Variants in SLC4A4 observed in about 807,000 individuals in gnomAD.
The protein encoded by SLC4A4 is electrogenic sodium bicarbonate cotransporter 1.
Under a neutral mutation model 111.5 loss-of-function variants are expected in SLC4A4, and 27 were observed. The ratio of observed to expected loss-of-function variants is 0.24; its 90% CI spans 0.18 to 0.33. SLC4A4 has a LOEUF of 0.33. SLC4A4 is among the 10% of genes least tolerant of loss of function. The pLI, the probability that SLC4A4 is intolerant of heterozygous loss-of-function variation, is 1.00. For synonymous variants in SLC4A4, 443 were observed against 463.4 expected, an observed-to-expected ratio of 0.96 and a Z score of 0.57; for missense variants, 909 against 1,315.5, an observed-to-expected ratio of 0.69 and a Z score of 4.78.
intron 13 of SLC4A4, among the ~76,000 whole-genome samples, chr4:71,471,119 A>G (rs1450477456): frequency 6.6e-6 from 1 of 152,010 alleles, no homozygotes; most frequent in African/African-American, 2.4e-5. Context: ...CTATCATAGG[A>G]ACAGTCATGT....
intron 2 of SLC4A4, among the ~76,000 whole-genome samples, chr4:71,153,248 C>A (rs887163279): frequency 6.6e-6 from 1 of 151,274 alleles, no homozygotes; most frequent in Admixed American, 6.6e-5. Context: ...ATATTTTAAA[C>A]AAGCTGGCAG....
chr4:71,437,346 A>T (rs528783791), intron 7 of SLC4A4: 1 of 346,918 alleles, frequency 2.9e-6, no homozygotes, highest in African/African-American at 2.2e-5. Flanking sequence ...TCCAGAATAC[A>T]TAAGTTACAA....
chr4:71,265,871 A>G (rs963727009), intron 3 of SLC4A4, among the ~76,000 whole-genome samples: 17 of 152,166 alleles, frequency 1.1e-4, no homozygotes, highest in Non-Finnish European at 1.5e-4. Flanking sequence ...CTAATACCTG[A>G]TTTTTAAAAT....
At chr4:71,563,772 T>A in intron 23 of SLC4A4, 21 bp from the exon 24 acceptor site, 2 of 1,461,578 alleles carry the variant, frequency 1.4e-6, no homozygotes, top group Non-Finnish European at 1.9e-6. Context: ...TTCTAAAACC[T>A]CTTGTACATT....
At chr4:71,318,343 T>C (rs16845190) in intron 3 of SLC4A4, among the ~76,000 whole-genome samples, 3,176 of 152,156 alleles carry the variant, frequency 0.021, 108 homozygotes, top group African/African-American at 0.071. Context: ...GCTAATTTCA[T>C]AGGCAAATTA....
At chr4:71,139,179 T>TGTGTGTGTG (rs1743932632) in intron 2 of SLC4A4, among the ~76,000 whole-genome samples, 1 of 144,438 alleles carries the variant, frequency 6.9e-6, no homozygotes, top group Non-Finnish European at 1.5e-5. Flanking sequence ...TCCCTTTTCT[T>TGTGTGTGTG]TGTGTGTGTG....
rs1260922028 is a variant in SLC4A4 at position 71,113,344 on chromosome 4, T to A, written c.-2+20552T>A. 4.6e-5 allele frequency among the ~76,000 whole-genome samples: 7 copies of A among 152,192 alleles called. No individual in the cohort carries two copies. The East Asian group carries it at 1.3e-3, about 29-fold the overall frequency. The stretch of plus-strand genomic sequence containing the variant: ...TACCCTGAAAAATCCTCTGGGAAAC[T>A]GACACAAGGCCCCAGATACTTCATT... On this transcript the variant is annotated intron_variant, in intron 2 of 26. Coordinates refer to the SLC4A4 transcript ENST00000649996.
chr4:71,267,698 G>T (rs1301847833), intron 3 of SLC4A4, among the ~76,000 whole-genome samples: 1 of 144,818 alleles, frequency 6.9e-6, no homozygotes, highest in Non-Finnish European at 1.5e-5. Flanking sequence ...GGAGGCTGAG[G>T]TACGAGAATT....
At chr4:71,434,434 A>G (rs990103533) in intron 7 of SLC4A4, 4 of 199,588 alleles carry the variant, frequency 2.0e-5, no homozygotes, top group Non-Finnish European at 4.3e-5. Context: ...TAAATTTCCC[A>G]AAGTCTTTCA....
chr4:71,506,002 G>A (rs886960793), intron 16 of SLC4A4, among the ~76,000 whole-genome samples: 2 of 152,012 alleles, frequency 1.3e-5, no homozygotes, highest in African/African-American at 2.4e-5. Flanking sequence ...GATGGTTGTA[G>A]GTGTGTGGTC....
chr4:71,308,642 G>A (rs1725889076), intron 3 of SLC4A4, among the ~76,000 whole-genome samples: 1 of 152,158 alleles, frequency 6.6e-6, no homozygotes, highest in Non-Finnish European at 1.5e-5. Context: ...CCCTCCCCTA[G>A]CCAAGGAAAG....
intron 2 of SLC4A4, among the ~76,000 whole-genome samples, chr4:71,097,551 T>C (rs111539389): frequency 0.013 from 1,951 of 152,334 alleles, 38 homozygotes; most frequent in East Asian, 0.049. Context: ...TTGATGAGAT[T>C]GCTGGGTTGA....
intron 3 of SLC4A4, among the ~76,000 whole-genome samples, chr4:71,293,435 C>A (rs1174330498): frequency 6.6e-6 from 1 of 151,506 alleles, no homozygotes; most frequent in Non-Finnish European, 1.5e-5. Context: ...TGGTGATGCA[C>A]ACCTGTAGTC....
chr4:71,447,093 T>C (rs1725306485), intron 8 of SLC4A4, among the ~76,000 whole-genome samples: 1 of 152,270 alleles, frequency 6.6e-6, no homozygotes, highest in African/African-American at 2.4e-5. Context: ...TTCTCTCATA[T>C]TTCTCTTCCC....
chr4:71,241,956 C>T (rs911594492), intron 2 of SLC4A4, among the ~76,000 whole-genome samples: 1 of 152,186 alleles, frequency 6.6e-6, no homozygotes, highest in Non-Finnish European at 1.5e-5. Flanking sequence ...GCACTTAGCT[C>T]TGTAGCTGCC....
At chr4:71,064,715 G>T (rs1391651291) in intron 1 of SLC4A4, among the ~76,000 whole-genome samples, 2 of 152,288 alleles carry the variant, frequency 1.3e-5, no homozygotes, top group African/African-American at 4.8e-5. Context: ...ACGTATTAGG[G>T]CAGCCTCCAG....
chr4:71,350,174 T>A, intron 5 of SLC4A4, 102 bp downstream of exon 5: 4 of 1,133,570 alleles, frequency 3.5e-6, no homozygotes, highest in Non-Finnish European at 4.0e-6. Context: ...GTTAAATGTT[T>A]TATAACATTT....
At chr4:71,215,124 TTACAACGG>T (rs1718346319) in intron 1 of SLC4A4, among the ~76,000 whole-genome samples, 1 of 152,210 alleles carries the variant, frequency 6.6e-6, no homozygotes, top group Non-Finnish European at 1.5e-5. Context: ...CCCTATGCTA[TTACAACGG>T]TATCACAAAT....
intron 1 of SLC4A4, among the ~76,000 whole-genome samples, chr4:71,080,130 G>A (rs1191704504): frequency 1.3e-5 from 2 of 152,072 alleles, no homozygotes; most frequent in Admixed American, 1.3e-4. Flanking sequence ...GCCAGGAATC[G>A]AAGGCAGTTG....
Sources: gnomAD v4.1 joint callset for allele counts (sites outside exome capture counted in the v4.1 genomes callset) on GRCh38, gnomAD v4.1.1 for gene constraint, MANE v1.5 for transcripts, NCBI Gene and HGNC (gene_info 2026-07-23, HGNC 2026-07-21) for gene names.